The following CACTIN variants were observed in gnomAD, a reference collection of about 807,000 sequenced individuals.
CACTIN encodes the protein splicing factor Cactin.
A neutral mutation model predicts 84.9 loss-of-function variants in CACTIN; 20 were observed. That is an observed-to-expected ratio of 0.24 (90% CI 0.17 to 0.34). The LOEUF (loss-of-function observed/expected upper bound fraction) is 0.34, where lower values mean the gene tolerates loss of function less well. CACTIN is among the 10% of genes least tolerant of loss of function. CACTIN has a pLI of 1.00. For synonymous variants in CACTIN, 549 were observed against 467.9 expected (o/e 1.17, Z -2.24); for missense variants, 897 against 1,117.2 (o/e 0.80, Z 2.81).
At chr19:3,625,638 G>A (rs2033317824) in intron 1 of CACTIN, among the ~76,000 whole-genome samples, 1 of 152,226 alleles carries the variant, frequency 6.6e-6, no homozygotes, top group Non-Finnish European at 1.5e-5. Context: ...GGCTGAGGCT[G>A]AAGAATCGCT....
chr19:3,612,816 C>T (rs1212287919), intron 9 of CACTIN: 3 of 709,400 alleles, frequency 4.2e-6, no homozygotes, highest in Admixed American at 2.0e-5. Context: ...GCTCGGACAG[C>T]GGCCGGTAAA....
chr19:3,626,671 C>T lies in CACTIN; in HGVS notation c.92G>A (p.Ser31Asn). The T allele has an allele frequency of 2.0e-6, 3 of 1,531,502 alleles. No individual in the cohort carries two copies. Among genetic ancestry groups the T allele is most frequent in the Non-Finnish European group, 1.7e-6 (2 of 1,148,236 alleles). 94.9% of individuals were successfully genotyped at this position (1,531,502 alleles called of 1,614,324 possible). A position where few individuals can be genotyped will look rare whatever the true frequency, so the allele number is the denominator to read the frequency against. ...SQSGSRSRSR[S>N]HGRRNRRRRE... ...GCGCCGTCGGTTTCGCCGCCCATGG[C>T]TCCTGCTCCGACTTCGGCTCCCGCT... Residue 31 changes from serine (S) to asparagine (N), a missense_variant, in exon 1 of 10, where the codon AGC becomes AAC. Around this residue, in one of 8 missense-constraint regions of CACTIN, gnomAD observed 261 missense variants for 243.8 expected, o/e 1.07. Transcript: ENST00000429344.
chr19:3,614,856 A>G, intron 6 of CACTIN: 1 of 529,348 alleles, frequency 1.9e-6, no homozygotes, highest in East Asian at 3.4e-5. Context: ...AGCGTGGGGG[A>G]GGCCAGGACT....
At chr19:3,613,948 T>C in intron 7 of CACTIN, 1 of 418,006 alleles carries the variant, frequency 2.4e-6, no homozygotes, top group Non-Finnish European at 4.4e-6. Flanking sequence ...GAGACATGTA[T>C]TTACACAGCG....
At chr19:3,626,338 G>C (rs2033331326) in intron 1 of CACTIN, among the ~76,000 whole-genome samples, 2 of 152,224 alleles carry the variant, frequency 1.3e-5, no homozygotes, top group South Asian at 2.1e-4. Flanking sequence ...GATATGATCT[G>C]ATCTCTCGTT....
In CACTIN at chr19:3,611,134, C is replaced by T; in HGVS notation, c.*789G>A. The T allele has an allele frequency of 5.2e-6, 2 of 386,548 alleles. No homozygotes were observed. Among genetic ancestry groups the T allele is most frequent in the South Asian group, 3.8e-5 (2 of 52,342 alleles). 23.9% of individuals were successfully genotyped at this position (386,548 alleles called of 1,614,324 possible). On this transcript the variant is annotated 3_prime_UTR_variant, in exon 10 of 10. Transcript: ENST00000429344. Reference sequence around the variant, plus strand: ...CAGCCTTCGGGGAGCCCCTGCCCTCCAGGCCCTGTGCTCAGAGGTGGGGGG... The same window carrying T: ...CAGCCTTCGGGGAGCCCCTGCCCTCTAGGCCCTGTGCTCAGAGGTGGGGGG...
chr19:3,626,217 CAG>C (rs1371942350), intron 1 of CACTIN, among the ~76,000 whole-genome samples: 2 of 152,160 alleles, frequency 1.3e-5, no homozygotes, highest in Admixed American at 1.3e-4. Context: ...AGAAAGTATG[CAG>C]AGTTAAGTCA....
intron 6 of CACTIN, chr19:3,616,138 G>GTGCAGGCCAAGGGCCCTGGGGC (rs2033101830): frequency 6.6e-6 from 1 of 152,214 alleles, no homozygotes; most frequent in Non-Finnish European, 1.5e-5. Context: ...GAGGCTGGGG[G>GTGCAGGCCAAGGGCCCTGGGGC]TGCAGGCCAA....
chr19:3,618,298 G>A (rs1384653349), intron 6 of CACTIN, among the ~76,000 whole-genome samples: 1 of 152,098 alleles, frequency 6.6e-6, no homozygotes, highest in Non-Finnish European at 1.5e-5. Context: ...GGCCAGGGAC[G>A]TTGCTCAGCA....
chr19:3,613,989 A>T (rs768623508), intron 7 of CACTIN: 1 of 425,764 alleles, frequency 2.3e-6, no homozygotes, highest in Non-Finnish European at 4.3e-6. Flanking sequence ...ATCTGTACAC[A>T]GCCAGAGGCC....
At position 3,613,190 on chromosome 19, in the gene CACTIN, C is replaced by T. The variant is rs1215936674; in HGVS notation, c.1654G>A (p.Asp552Asn). The change falls in exon 9 of 10, where the codon GAC becomes AAC. Residue 552 changes from aspartate to asparagine, a missense_variant. By Grantham distance (23) the Asp-to-Asn change is conservative. Around this residue, in one of 8 missense-constraint regions of CACTIN, gnomAD observed 243 missense variants for 239.9 expected, o/e 1.01. Transcript: ENST00000429344. ...CTGTACCTGCCGGCGTCGTAGTCGT[C>T]CAGGCTCTGCTGGATCAGGTCCTCC... is the stretch of plus-strand genomic sequence containing the variant. ...MEEDLIQQSL[D>N]DYDAGRYSPR... 1 of 1,611,538 alleles carries T rather than the reference C, an allele frequency of 6.2e-7. No homozygotes were observed. Among genetic ancestry groups the T allele is most frequent in the Non-Finnish European group, 8.5e-7 (1 of 1,179,374 alleles).
rs1568291449 is a variant in CACTIN at position 3,613,455 on chromosome 19, CG to C, written c.1478+8del. ...GCATCGGCGTCCCCGGGGTGCCGGC[CG>C]GGCCTACCTGCGGCTGGGGGACTGG... is the stretch of plus-strand genomic sequence containing the variant. On this transcript the variant is annotated splice_region_variant and intron_variant, in intron 8 of 9. Transcript: ENST00000429344. The C allele has an allele frequency of 6.4e-7, 1 of 1,571,624 alleles. No individual in the cohort carries two copies. The highest frequency in any genetic ancestry group is 2.3e-5 in the East Asian group (1 of 43,108).
In CACTIN at chr19:3,614,932, C is replaced by T. The variant is rs546376585; in HGVS notation, c.1163-343G>A. ...GGTCTGGGAACCCTAGTTGTGGGCC[C>T]GGCCCACCAACCTGGCCCAACTCTG... On this transcript the variant is annotated intron_variant, in intron 6 of 9. Coordinates refer to ENST00000429344, the MANE Select transcript of CACTIN (RefSeq NM_001080543.2). The T allele has an allele frequency of 6.7e-5, 26 of 386,492 alleles. 1 individual carries two copies. Among genetic ancestry groups the T allele is most frequent in the African/African-American group, 4.3e-4 (21 of 48,374 alleles). The allele number at this position is 386,492 out of a possible 1,614,324, so 23.9% of individuals were successfully genotyped here. A position where few individuals can be genotyped will look rare whatever the true frequency, so the allele number is the denominator to read the frequency against.
intron 9 of CACTIN, 108 bp from the exon 10 acceptor site, chr19:3,612,521 A>G (rs1196067562): frequency 2.0e-5 from 28 of 1,430,828 alleles, no homozygotes; most frequent in Non-Finnish European, 2.6e-5. Flanking sequence ...CAAAAGGAAA[A>G]CAGGCTGGGG....
chr19:3,612,471 T>G (rs1220826722), intron 9 of CACTIN, 58 bp from the exon 10 acceptor site: 1 of 1,501,364 alleles, frequency 6.7e-7, no homozygotes, highest in Non-Finnish European at 8.8e-7. Context: ...CTGGCCTCCC[T>G]CCTAGCCTCT....
intron 4 of CACTIN, among the ~76,000 whole-genome samples, 177 bp downstream of exon 4, chr19:3,619,950 G>A (rs1277191319): frequency 2.0e-5 from 3 of 152,160 alleles, no homozygotes; most frequent in African/African-American, 7.2e-5. Context: ...ACCCTGCCCA[G>A]CAGGGGAGGG....
At chr19:3,617,353 G>A (rs1181953454) in intron 6 of CACTIN, among the ~76,000 whole-genome samples, 1 of 152,220 alleles carries the variant, frequency 6.6e-6, no homozygotes, top group Non-Finnish European at 1.5e-5. Flanking sequence ...GGGTCTCCAG[G>A]GGGACAGCAA....
Position 3,613,035 on chromosome 19 carries a change from CTGGCCTCCA to C in CACTIN, c.1786+14_1786+22del. 6.7e-7 allele frequency: 1 copy of C among 1,491,390 alleles called. No homozygotes were observed. The allele number at this position is 1,491,390 out of a possible 1,614,324, so 92.4% of individuals were successfully genotyped here. ...CAGCTCGCCCCACTGGCCCCACCCC[CTGGCCTCCA>C]GCCCCGCCCTTACCCGTGACCTGGA... is the stretch of plus-strand genomic sequence containing the variant. On this transcript the variant is annotated intron_variant, in intron 9 of 9. Coordinates refer to ENST00000429344, the MANE Select transcript of CACTIN (RefSeq NM_001080543.2).
chr19:3,625,031 C>T (rs1376502304), intron 1 of CACTIN, among the ~76,000 whole-genome samples: 3 of 152,166 alleles, frequency 2.0e-5, no homozygotes, highest in East Asian at 3.9e-4. Context: ...GCGGGGACTA[C>T]AGGCACACAC....
Sources: allele counts gnomAD v4.1 joint callset (sites outside exome capture counted in the v4.1 genomes callset), GRCh38; gene constraint gnomAD v4.1.1; regional missense constraint gnomAD v4.1.1; transcripts MANE v1.5; gene names NCBI Gene and HGNC (gene_info 2026-07-23, HGNC 2026-07-21).